Variants in SGCZ observed in about 807,000 individuals in gnomAD.
SGCZ encodes the protein zeta-sarcoglycan.
In SGCZ, 40 loss-of-function variants were observed where a neutral mutation model predicts 41.3. The observed-to-expected ratio is 0.97, with a 90% CI of 0.75 to 1.26. The LOEUF is 1.26. Ranked by LOEUF, SGCZ falls within the 50% of genes most tolerant of loss-of-function variation. The pLI, the probability that SGCZ is intolerant of heterozygous loss-of-function variation, is 0.00. For synonymous variants in SGCZ, 206 were observed against 137.5 expected, an observed-to-expected ratio of 1.50 and a Z score of -3.49; for missense variants, 552 against 369.8, an observed-to-expected ratio of 1.49 and a Z score of -4.04.
At chr8:14,384,769 T>C (rs1439237854) in intron 2 of SGCZ, among the ~76,000 whole-genome samples, 1 of 152,184 alleles carries the variant, frequency 6.6e-6, no homozygotes, top group African/African-American at 2.4e-5. Flanking sequence ...CGGGCTGGTC[T>C]TGAACTCCTG....
intron 1 of SGCZ, among the ~76,000 whole-genome samples, chr8:15,189,993 T>C (rs1193211004): frequency 6.6e-6 from 1 of 152,156 alleles, no homozygotes; most frequent in Non-Finnish European, 1.5e-5. Context: ...TAACCTAGCT[T>C]CAACACATTA....
intron 1 of SGCZ, among the ~76,000 whole-genome samples, chr8:14,968,287 T>C (rs185735696): frequency 6.6e-6 from 1 of 152,290 alleles, no homozygotes; most frequent in East Asian, 1.9e-4. Flanking sequence ...TTGTGGCAGA[T>C]TGATTAAAAT....
intron 1 of SGCZ, among the ~76,000 whole-genome samples, chr8:14,862,555 T>G (rs1563322620): frequency 7.3e-6 from 1 of 136,326 alleles, no homozygotes; most frequent in Non-Finnish European, 1.6e-5. Flanking sequence ...TATATATATA[T>G]ATATATATAT....
chr8:14,152,243 C>G (rs1025314997), intron 5 of SGCZ, among the ~76,000 whole-genome samples: 1 of 151,710 alleles, frequency 6.6e-6, no homozygotes, highest in Non-Finnish European at 1.5e-5. Flanking sequence ...ACAAAAAAAA[C>G]TCACAAAGAA....
intron 1 of SGCZ, among the ~76,000 whole-genome samples, chr8:14,671,589 A>T (rs6992692): frequency 0.54 from 82,735 of 151,944 alleles, 24,068 homozygotes; most frequent in East Asian, 0.74. Context: ...CCAGGTGAGA[A>T]AAGGGCAAGA....
chr8:15,097,496 CCTAGCA>C (rs1157418926), intron 1 of SGCZ, among the ~76,000 whole-genome samples: 4 of 151,830 alleles, frequency 2.6e-5, no homozygotes, highest in Non-Finnish European at 5.9e-5. Flanking sequence ...AGCCTGTTGT[CCTAGCA>C]CTTTGGGAGG....
At chr8:14,479,242 C>G (rs1229001402) in intron 2 of SGCZ, among the ~76,000 whole-genome samples, 1 of 151,780 alleles carries the variant, frequency 6.6e-6, no homozygotes, top group African/African-American at 2.4e-5. Context: ...TGGTAAACCA[C>G]TGTTGTAGGT....
At chr8:14,509,915 A>T (rs1167820994) in intron 2 of SGCZ, among the ~76,000 whole-genome samples, 3 of 152,020 alleles carry the variant, frequency 2.0e-5, no homozygotes, top group Non-Finnish European at 2.9e-5. Context: ...CAAGAACAGC[A>T]TGGGGGGACA....
chr8:14,440,164 T>G (rs183472193), intron 2 of SGCZ, among the ~76,000 whole-genome samples: 2 of 152,214 alleles, frequency 1.3e-5, no homozygotes, highest in East Asian at 3.9e-4. Flanking sequence ...AGGTGTTTGT[T>G]TTTGTTTGCC....
intron 1 of SGCZ, among the ~76,000 whole-genome samples, chr8:14,957,816 A>T (rs758289206): frequency 5.9e-5 from 9 of 152,098 alleles, no homozygotes; most frequent in Non-Finnish European, 1.2e-4. Flanking sequence ...TACATAAAAC[A>T]AAAGTCAAGA....
At chr8:14,345,066 G>A (rs1802847924) in intron 2 of SGCZ, among the ~76,000 whole-genome samples, 1 of 151,996 alleles carries the variant, frequency 6.6e-6, no homozygotes, top group South Asian at 2.1e-4. Context: ...ATATTCTGTA[G>A]AGAATTCCTA....
chr8:15,094,222 C>G (rs752284816), intron 1 of SGCZ, among the ~76,000 whole-genome samples: 3 of 151,972 alleles, frequency 2.0e-5, no homozygotes, highest in African/African-American at 4.8e-5. Flanking sequence ...GCTAACTCTA[C>G]CTCCCAGGTT....
intron 2 of SGCZ, among the ~76,000 whole-genome samples, chr8:14,385,066 G>C (rs906591290): frequency 2.8e-4 from 43 of 152,200 alleles, no homozygotes; most frequent in African/African-American, 1.0e-3. Flanking sequence ...GTTGAGTTTA[G>C]TGATGTGCTG....
At chr8:15,050,560 T>G (rs912021610) in intron 1 of SGCZ, among the ~76,000 whole-genome samples, 1 of 152,128 alleles carries the variant, frequency 6.6e-6, no homozygotes. Context: ...TATGCGCAGT[T>G]GAAGCCAAGA....
intron 1 of SGCZ, among the ~76,000 whole-genome samples, chr8:14,833,580 C>G (rs34824889): frequency 0.041 from 6,197 of 152,184 alleles, 179 homozygotes; most frequent in Non-Finnish European, 0.067. Flanking sequence ...GGGAGGATAG[C>G]CTTAACACCT....
intron 1 of SGCZ, among the ~76,000 whole-genome samples, chr8:15,136,660 T>C (rs1453175781): frequency 6.6e-6 from 1 of 152,138 alleles, no homozygotes; most frequent in Admixed American, 6.5e-5. Flanking sequence ...TGTCTGGTAT[T>C]TTCCCTGCTT....
chr8:14,424,858 T>C (rs916683335), intron 2 of SGCZ, among the ~76,000 whole-genome samples: 3 of 152,176 alleles, frequency 2.0e-5, no homozygotes, highest in Non-Finnish European at 4.4e-5. Flanking sequence ...TCCTGGCTGA[T>C]TTGAACGGCT....
chr8:15,127,965 C>T (rs1006766653), intron 1 of SGCZ, among the ~76,000 whole-genome samples: 5 of 152,024 alleles, frequency 3.3e-5, no homozygotes, highest in Admixed American at 2.0e-4. Flanking sequence ...AGGATGCTGA[C>T]CTATAAAACA....
intron 1 of SGCZ, among the ~76,000 whole-genome samples, chr8:14,787,084 C>T (rs1046453659): frequency 3.3e-5 from 5 of 152,052 alleles, no homozygotes; most frequent in African/African-American, 1.2e-4. Context: ...ATAGATGGTT[C>T]ATTAACAGCT....
Sources: allele counts gnomAD v4.1 joint callset (sites outside exome capture counted in the v4.1 genomes callset), GRCh38; gene constraint gnomAD v4.1.1; transcripts MANE v1.5; gene names NCBI Gene and HGNC (gene_info 2026-07-23, HGNC 2026-07-21).